CGAS: variants seen among roughly 807,000 people sequenced by gnomAD.
CGAS encodes 2'3'-cGAMP synthase.
A neutral mutation model predicts 34.0 loss-of-function variants in CGAS; 31 were observed. That is an observed-to-expected ratio of 0.91 (90% confidence interval 0.69 to 1.23). CGAS has a LOEUF of 1.23. Among genes scored for constraint, CGAS ranks in the 50% most tolerant of loss-of-function variants. The probability of loss-of-function intolerance (pLI) is 0.00; values close to 1 mark genes in which losing one functional copy is unlikely to be tolerated. For synonymous variants in CGAS, 266 were observed against 260.0 expected (o/e 1.02, Z -0.22); for missense variants, 597 against 657.6 (o/e 0.91, Z 1.01).
In CGAS at chr6:73,426,011, G is replaced by A. The variant is rs763449968; in HGVS notation, c.1218-433C>T. On this transcript the variant is annotated intron_variant, in intron 4 of 4. Coordinates refer to ENST00000370315, the MANE Select transcript of CGAS (RefSeq NM_138441.3). ...AAAAACAAAAACAAAAAAGCCGGGC[G>A]CGGTGGCTCATGCCTGTAATCCCAG... is the stretch of plus-strand genomic sequence containing the variant. Among the ~76,000 whole-genome samples the A allele has an allele frequency of 2.2e-3, 319 of 147,848 alleles. 11 individuals carry two copies. Among genetic ancestry groups the A allele is most frequent in the Non-Finnish European group, 7.3e-4 (49 of 67,138 alleles).
At chr6:73,438,308 A>AT (rs1226663495) in intron 3 of CGAS, among the ~76,000 whole-genome samples, 1 of 152,202 alleles carries the variant, frequency 6.6e-6, no homozygotes, top group African/African-American at 2.4e-5. Flanking sequence ...ATGATGGCAG[A>AT]TGCAGAACAG....
At chr6:73,443,153 T>C (rs1770411862) in intron 2 of CGAS, among the ~76,000 whole-genome samples, 1 of 151,938 alleles carries the variant, frequency 6.6e-6, no homozygotes, top group African/African-American at 2.4e-5. Flanking sequence ...GATTTCTGGA[T>C]GTCAGTAGCA....
rs376549297 is a variant in CGAS at position 73,431,946 on chromosome 6, T to C, written c.1115-3135A>G. ...CCAGCCTCAAGCAATCTTCTCATGT[T>C]AGCCGTTCCAATAGCGGGACCAGAA... On this transcript the variant is annotated intron_variant, in intron 3 of 4. Transcript: ENST00000370315. Among the ~76,000 whole-genome samples, 31 of 151,576 alleles carry C rather than the reference T, an allele frequency of 2.0e-4. No individual in the cohort carries two copies. The South Asian group carries it at 6.5e-3, about 32-fold the overall frequency.
chr6:73,441,126 T>C (rs1185528885), intron 2 of CGAS, among the ~76,000 whole-genome samples: 1 of 151,270 alleles, frequency 6.6e-6, no homozygotes, highest in Admixed American at 6.6e-5. Context: ...TATTGTCTTG[T>C]TGCCCAGGCT....
intron 4 of CGAS, among the ~76,000 whole-genome samples, chr6:73,427,369 A>G (rs926755097): frequency 6.6e-6 from 1 of 151,550 alleles, no homozygotes; most frequent in African/African-American, 2.4e-5. Flanking sequence ...GCATGATCTC[A>G]GCTTATTGCA....
intron 2 of CGAS, among the ~76,000 whole-genome samples, chr6:73,445,213 A>T (rs1032154830): frequency 6.6e-6 from 1 of 151,934 alleles, no homozygotes; most frequent in African/African-American, 2.4e-5. Context: ...AATTTAATAA[A>T]TATTCATTGA....
chr6:73,450,123 G>A (rs1237807312), intron 1 of CGAS, among the ~76,000 whole-genome samples: 1 of 131,498 alleles, frequency 7.6e-6, no homozygotes, highest in Non-Finnish European at 1.7e-5. Flanking sequence ...AGAGAAAAAA[G>A]AAGAGAAAAG....
intron 2 of CGAS, 85 bp downstream of exon 2, chr6:73,445,443 G>C: frequency 1.1e-6 from 1 of 937,438 alleles, no homozygotes; most frequent in Non-Finnish European, 1.6e-6. Flanking sequence ...ACTGCAGAGA[G>C]GTCAAGAAAC....
rs199874232 is a variant in CGAS at position 73,430,763 on chromosome 6, C to CA, written c.1115-1953dup. Among the ~76,000 whole-genome samples, 1,382 of 152,004 alleles carry CA rather than the reference C, an allele frequency of 9.1e-3. 28 individuals are homozygous for CA. The highest frequency in any genetic ancestry group is 0.031 in the African/African-American group (1,303 of 41,474). Reference sequence around the variant, plus strand: ...AGGTATTTTGATATATGGTAATAAACAAAAAATGAAATTTTGAGAAAGATG... The same window carrying CA: ...AGGTATTTTGATATATGGTAATAAACAAAAAAATGAAATTTTGAGAAAGATG... On this transcript the variant is annotated intron_variant, in intron 3 of 4. Transcript: ENST00000370315.
intron 1 of CGAS, among the ~76,000 whole-genome samples, chr6:73,449,051 T>G (rs1770515431): frequency 6.6e-6 from 1 of 150,430 alleles, no homozygotes; most frequent in South Asian, 2.1e-4. Context: ...ATCACATCAC[T>G]GCACTCCACC....
At chr6:73,443,750 C>T (rs1240318251) in intron 2 of CGAS, among the ~76,000 whole-genome samples, 2 of 152,082 alleles carry the variant, frequency 1.3e-5, no homozygotes, top group Non-Finnish European at 2.9e-5. Context: ...AATCTAATAG[C>T]GTAATAACAT....
At chr6:73,446,840 A>G (rs995801400) in intron 1 of CGAS, among the ~76,000 whole-genome samples, 3 of 151,856 alleles carry the variant, frequency 2.0e-5, no homozygotes, top group Non-Finnish European at 4.4e-5. Context: ...GGCGAATCAC[A>G]AGGTCAAGAG....
At chr6:73,436,597 A>G (rs1337297644) in intron 3 of CGAS, among the ~76,000 whole-genome samples, 1 of 151,866 alleles carries the variant, frequency 6.6e-6, no homozygotes, top group Admixed American at 6.6e-5. Flanking sequence ...ATCTTGGCTC[A>G]CTGCAGCCTC....
Position 73,451,568 on chromosome 6 carries a change from C to T in CGAS, c.614G>A (p.Gly205Asp). Residue 205 changes from glycine to aspartate, a missense_variant, in exon 1 of 5, where the codon GGC becomes GAC. Physicochemically the swap from Gly to Asp is moderately conservative, Grantham distance 94. Transcript: ENST00000370315. Reference sequence around the variant, plus strand: ...GCTCCCGGTGTTCAGCAGCCCGACGCCTCTGAACGCGGAGTCGCACTTCAG... The same window carrying T: ...GCTCCCGGTGTTCAGCAGCCCGACGTCTCTGAACGCGGAGTCGCACTTCAG... ...LRLKCDSAFR[G>D]VGLLNTGSYY... 6.2e-7 allele frequency: 1 copy of T among 1,608,828 alleles called. No homozygotes were observed. Among genetic ancestry groups the T allele is most frequent in the Non-Finnish European group, 8.5e-7 (1 of 1,177,814 alleles).
At position 73,443,974 on chromosome 6, in the gene CGAS, C is replaced by A. The variant is rs534750341; in HGVS notation, c.877+1554G>T. Among the ~76,000 whole-genome samples, 244 of 152,212 alleles carry A rather than the reference C, an allele frequency of 1.6e-3. 2 individuals carry two copies. The highest frequency in any genetic ancestry group is 2.9e-3 in the Non-Finnish European group (197 of 68,008). Reference sequence around the variant, plus strand: ...ACCAGATTCTGTACTGACTTGTAGACCCTGAAAAGGACTTTAGATTTCATT... The same window carrying A: ...ACCAGATTCTGTACTGACTTGTAGAACCTGAAAAGGACTTTAGATTTCATT... On this transcript the variant is annotated intron_variant, in intron 2 of 4. Transcript: ENST00000370315.
At position 73,443,235 on chromosome 6, in the gene CGAS, C is replaced by CTTT. The variant is rs35135687; in HGVS notation, c.877+2290_877+2292dup. On this transcript the variant is annotated intron_variant, in intron 2 of 4. Transcript: ENST00000370315. The stretch of plus-strand genomic sequence containing the variant: ...TTGTTCATTCTCTTCTTCCCAAACT[C>CTTT]TTTTTTTTTTTTTTTTTTTTCTGAG... 1.4e-3 allele frequency among the ~76,000 whole-genome samples: 142 copies of CTTT among 104,208 alleles called. 4 individuals are homozygous for CTTT. The highest frequency in any genetic ancestry group is 2.1e-3 in the East Asian group (7 of 3,380). The allele number at this position is 104,208 out of a possible 152,430, so 68.4% of individuals were successfully genotyped here.
rs761679403 is a variant in CGAS at position 73,451,580 on chromosome 6, G to C, written c.602C>G (p.Ser201Cys). Residue 201 changes from serine to cysteine, a missense_variant, in exon 1 of 5, where the codon TCC becomes TGC. This residue lies in a region of CGAS where 321 missense variants were observed against 314.3 expected (regional missense o/e 1.02). Coordinates refer to ENST00000370315, the MANE Select transcript of CGAS (RefSeq NM_138441.3). ...DHLLLRLKCD[S>C]AFRGVGLLNT... is the part of the protein sequence containing the mutation. ...CAGCAGCCCGACGCCTCTGAACGCG[G>C]AGTCGCACTTCAGTCTGAGCAGCAG... 45 of 1,612,340 alleles carry C rather than the reference G, an allele frequency of 2.8e-5. 1 individual carries two copies. In the Admixed American group the frequency reaches 7.5e-4, roughly 27 times the overall value.
intron 2 of CGAS, among the ~76,000 whole-genome samples, chr6:73,444,274 C>T (rs1770430686): frequency 6.6e-6 from 1 of 151,562 alleles, no homozygotes. Context: ...AGGTGTGAGC[C>T]ACTGCGCCTG....
At chr6:73,429,597 T>C (rs9343043) in intron 3 of CGAS, among the ~76,000 whole-genome samples, 11,968 of 151,808 alleles carry the variant, frequency 0.079, 717 homozygotes, top group Admixed American at 0.2. Context: ...GAGGCCAAGG[T>C]GGGCGGATCA....
Sources: allele counts gnomAD v4.1 joint callset (sites outside exome capture counted in the v4.1 genomes callset), GRCh38; gene constraint gnomAD v4.1.1; regional missense constraint gnomAD v4.1.1; transcripts MANE v1.5; gene names NCBI Gene and HGNC (gene_info 2026-07-23, HGNC 2026-07-21).